The following MFSD12 variants were observed in gnomAD, a reference collection of about 807,000 sequenced individuals.
MFSD12 encodes major facilitator superfamily domain containing 12.
In MFSD12, 67 loss-of-function variants were observed where a neutral mutation model predicts 51.2. The observed-to-expected ratio is 1.31, with a 90% CI of 1.08 to 1.60. MFSD12 has a LOEUF of 1.60. MFSD12 is among the 40% of genes most tolerant of loss of function. MFSD12 has a pLI of 0.00. For missense variants in MFSD12, 921 were observed against 673.0 expected (o/e 1.37, Z -4.08); for synonymous variants, 441 against 316.7 (o/e 1.39, Z -4.17).
At chr19:3,545,505 T>G (rs1408155884) in intron 8 of MFSD12, among the ~76,000 whole-genome samples, 3 of 152,216 alleles carry the variant, frequency 2.0e-5, no homozygotes, top group African/African-American at 4.8e-5. Flanking sequence ...CCCTCCCCAT[T>G]GGCCTGGAAT....
At chr19:3,543,411 TC>T, downstream of MFSD12, 1 of 1,547,556 alleles carries the variant, frequency 6.5e-7, no homozygotes, top group Middle Eastern at 1.9e-4. Flanking sequence ...GCCAGCCCCT[TC>T]CGCGAGGCCT....
chr19:3,557,190 ACAGCCCGTCGGCCACCTGGCC>A lies in MFSD12; in HGVS notation c.193_213del (p.Gly65_Leu71del). 1.3e-6 allele frequency: 2 copies of A among 1,561,864 alleles called. No homozygotes were observed. The highest frequency in any genetic ancestry group is 1.7e-6 in the Non-Finnish European group (2 of 1,156,382). On this transcript the variant is annotated inframe_deletion, in exon 1 of 10. Transcript: ENST00000355415. ...GCCTCGTAGCCCACGAGCGGTGTGC[ACAGCCCGTCGGCCACCTGGCC>A]CAGCAGCAGCAGCAGCCCCGCGCCG...
At chr19:3,549,457 C>T (rs1453415236) in intron 2 of MFSD12, among the ~76,000 whole-genome samples, 1 of 152,178 alleles carries the variant, frequency 6.6e-6, no homozygotes, top group Non-Finnish European at 1.5e-5. Context: ...GGCGCGGTGG[C>T]TCACGCCTGT....
chr19:3,550,393 T>G (rs1404970297), intron 2 of MFSD12, among the ~76,000 whole-genome samples: 2 of 151,432 alleles, frequency 1.3e-5, no homozygotes, highest in Admixed American at 6.6e-5. Context: ...TACAAAAACT[T>G]TTTGTTTTTT....
chr19:3,541,869 C>T (rs545382064), downstream of MFSD12: 116 of 886,694 alleles, frequency 1.3e-4, no homozygotes, highest in African/African-American at 1.7e-3. Flanking sequence ...AGTGCAGTGA[C>T]GCAATCTCGG....
At chr19:3,544,082 C>T (rs572667090), downstream of MFSD12, 54 of 1,456,866 alleles carry the variant, frequency 3.7e-5, no homozygotes, top group Non-Finnish European at 4.8e-5. Context: ...CCCAGGGGAC[C>T]AGAGGCTCGG....
At chr19:3,549,723 C>CA (rs5826823) in intron 2 of MFSD12, among the ~76,000 whole-genome samples, 11,419 of 87,328 alleles carry the variant, frequency 0.13, 943 homozygotes, top group African/African-American at 0.25. Context: ...ACTCTTGTCT[C>CA]AAAAAAAAAA....
At chr19:3,539,472 AC>A (rs1320970476), downstream of MFSD12, 2 of 554,080 alleles carry the variant, frequency 3.6e-6, no homozygotes, top group African/African-American at 3.7e-5. Context: ...CAGGCCAAGA[AC>A]AAATGTGTCT....
rs753666069 is a variant in MFSD12 at position 3,546,441 on chromosome 19, C to A, written c.1024-16G>T. On this transcript the variant is annotated splice_polypyrimidine_tract_variant and intron_variant, in intron 6 of 9. Coordinates refer to ENST00000355415, the MANE Select transcript of MFSD12 (RefSeq NM_174983.5). ...AGTAGGTCATCTGCAGGGACAGCCCCGGGGTCAGGCCCACACCACTGGGTG... is the reference window on the plus strand; with the variant it reads ...AGTAGGTCATCTGCAGGGACAGCCCAGGGGTCAGGCCCACACCACTGGGTG... The A allele has an allele frequency of 5.6e-6, 9 of 1,593,886 alleles. No individual in the cohort carries two copies. The highest frequency in any genetic ancestry group is 4.0e-5 in the African/African-American group (3 of 74,688).
At chr19:3,541,911 C>T, downstream of MFSD12, 1 of 603,712 alleles carries the variant, frequency 1.7e-6, no homozygotes, top group African/African-American at 2.0e-5. Flanking sequence ...CGGGTTCAAG[C>T]TAATTCTCCT....
rs753147878 is a variant in MFSD12 at position 3,551,510 on chromosome 19, C to A, written c.299-316G>T. 6.6e-6 allele frequency among the ~76,000 whole-genome samples: 1 copy of A among 152,172 alleles called. No individual in the cohort carries two copies. The highest frequency in any genetic ancestry group is 1.5e-5 in the Non-Finnish European group (1 of 68,014). On this transcript the variant is annotated intron_variant, in intron 1 of 9. Transcript: ENST00000355415. This position sits in a 1 kb window ranked among gnomAD's most constrained non-coding sequence, Gnocchi z 4.6. Reference sequence around the variant, plus strand: ...CCGCAGCCTCCCCCAGCTCCTCCCCCTCGGCCACTATCAAGCCTCCCATAG... The same window carrying A: ...CCGCAGCCTCCCCCAGCTCCTCCCCATCGGCCACTATCAAGCCTCCCATAG...
chr19:3,546,982 C>T (rs570861249), intron 6 of MFSD12, among the ~76,000 whole-genome samples: 3 of 152,280 alleles, frequency 2.0e-5, no homozygotes, highest in Admixed American at 6.5e-5. Flanking sequence ...TACAGGCACC[C>T]GCCACCAACG....
downstream of MFSD12, chr19:3,543,561 C>G (rs1021187614): frequency 2.6e-6 from 4 of 1,538,522 alleles, no homozygotes; most frequent in Non-Finnish European, 3.5e-6. Flanking sequence ...GCAGCCTACA[C>G]CCAGCACCTG....
chr19:3,549,492 G>T (rs536077275), intron 2 of MFSD12, among the ~76,000 whole-genome samples: 54 of 152,296 alleles, frequency 3.5e-4, no homozygotes, highest in Admixed American at 1.4e-3. Context: ...GGGAGGCTGA[G>T]GCAGGCAGAT....
At chr19:3,542,656 T>C (rs972123446), downstream of MFSD12, 1 of 1,126,732 alleles carries the variant, frequency 8.9e-7, no homozygotes, top group Non-Finnish European at 1.1e-6. Flanking sequence ...TTAATTTTCG[T>C]ATTTTTAGTA....
Position 3,544,920 on chromosome 19 carries a change from C to T in MFSD12, c.1309G>A (p.Ala437Thr), listed in dbSNP as rs777850029. The change falls in exon 9 of 10, where the codon GCC (alanine) becomes ACC (threonine). Residue 437 changes from alanine (A) to threonine (T), a missense_variant. Transcript: ENST00000355415. ...HPCPSELCCR[A>T]CVSFYHWAMV... ...GCCCAGTGGTAAAAGCTCACGCAGG[C>T]CCTGCAGCAGAGCTCTGAGCTGTGG... is the stretch of plus-strand genomic sequence containing the variant. 1 of 1,609,972 alleles carries T rather than the reference C, an allele frequency of 6.2e-7. No individual in the cohort carries two copies. The highest frequency in any genetic ancestry group is 8.5e-7 in the Non-Finnish European group (1 of 1,179,194).
At chr19:3,545,409 C>G (rs1010980171) in intron 8 of MFSD12, among the ~76,000 whole-genome samples, 2 of 151,062 alleles carry the variant, frequency 1.3e-5, no homozygotes, top group Non-Finnish European at 2.9e-5. Context: ...CCTCCTCCCT[C>G]TACTCCAGCC....
At chr19:3,556,875 G>A (rs112817943) in intron 1 of MFSD12, among the ~76,000 whole-genome samples, 2 of 94,292 alleles carry the variant, frequency 2.1e-5, no homozygotes, top group African/African-American at 5.6e-5. Flanking sequence ...GTTCGGGCCA[G>A]GGGACAGACA....
At chr19:3,554,105 A>T (rs897159105) in intron 1 of MFSD12, among the ~76,000 whole-genome samples, 2 of 151,822 alleles carry the variant, frequency 1.3e-5, no homozygotes, top group Non-Finnish European at 2.9e-5. Context: ...AAAAATAAAT[A>T]AAAAATTAAA....
Sources: allele counts gnomAD v4.1 joint callset (sites outside exome capture counted in the v4.1 genomes callset), GRCh38; gene constraint gnomAD v4.1.1; non-coding constraint Gnocchi (gnomAD v3.1); transcripts MANE v1.5; gene names NCBI Gene and HGNC (gene_info 2026-07-23, HGNC 2026-07-21).